Variants in GRIN2A observed in about 807,000 individuals in gnomAD.
GRIN2A encodes glutamate receptor ionotropic, NMDA 2A.
Under a neutral mutation model 113.4 loss-of-function variants are expected in GRIN2A, and 22 were observed. The ratio of observed to expected loss-of-function variants is 0.19; its 90% CI spans 0.14 to 0.28. The LOEUF is 0.28. GRIN2A is among the 10% of genes least tolerant of loss of function. The probability of loss-of-function intolerance (pLI) is 1.00; values close to 1 mark genes in which losing one functional copy is unlikely to be tolerated. For synonymous variants in GRIN2A, 827 were observed against 738.4 expected, an observed-to-expected ratio of 1.12 and a Z score of -1.94; for missense variants, 1,502 against 1,887.0, an observed-to-expected ratio of 0.80 and a Z score of 3.78.
chr16:9,914,578 C>T (rs554328598), intron 3 of GRIN2A, among the ~76,000 whole-genome samples: 5 of 152,282 alleles, frequency 3.3e-5, no homozygotes, highest in African/African-American at 1.2e-4. Context: ...CTATCTTCAA[C>T]GCATACGCAT....
rs568729177 is a variant in GRIN2A, at chr16:10,080,151, A to T, written c.414+99847T>A. Among the ~76,000 whole-genome samples the T allele has an allele frequency of 4.8e-4, 73 of 152,338 alleles. 1 individual carries two copies. In the South Asian group the frequency reaches 0.015, roughly 31 times the overall value. Reference sequence around the variant, plus strand: ...CCCTGCCTGGTTGCCACAACAGCAGAGTATATTCAGGGCTTAGCACTGAGA... The same window carrying T: ...CCCTGCCTGGTTGCCACAACAGCAGTGTATATTCAGGGCTTAGCACTGAGA... On this transcript the variant is annotated intron_variant, in intron 2 of 12. Coordinates refer to ENST00000330684, the MANE Select transcript of GRIN2A (RefSeq NM_001134407.3).
At chr16:9,912,318 G>A (rs1416231268) in intron 3 of GRIN2A, among the ~76,000 whole-genome samples, 3 of 152,108 alleles carry the variant, frequency 2.0e-5, no homozygotes, top group Admixed American at 2.0e-4. Flanking sequence ...TGATGGCAAT[G>A]ATGTGATGTT....
intron 7 of GRIN2A, among the ~76,000 whole-genome samples, 190 bp downstream of exon 7, chr16:9,840,457 C>G (rs2042653627): frequency 6.6e-6 from 1 of 152,048 alleles, no homozygotes; most frequent in Non-Finnish European, 1.5e-5. Context: ...GATTACAATT[C>G]AAGATGAAAT....
chr16:9,926,470 T>A (rs955099182), intron 3 of GRIN2A, among the ~76,000 whole-genome samples: 2 of 152,158 alleles, frequency 1.3e-5, no homozygotes, highest in African/African-American at 4.8e-5. Flanking sequence ...TGTAAGCATA[T>A]AGGATAAGAG....
intron 2 of GRIN2A, among the ~76,000 whole-genome samples, chr16:9,961,135 G>A (rs1011679713): frequency 5.9e-5 from 9 of 152,226 alleles, no homozygotes; most frequent in East Asian, 1.9e-4. Context: ...ACTTATTCAC[G>A]TACTCGTTTA....
At chr16:9,908,897 T>C (rs889112200) in intron 3 of GRIN2A, among the ~76,000 whole-genome samples, 1 of 152,132 alleles carries the variant, frequency 6.6e-6, no homozygotes, top group Admixed American at 6.5e-5. Context: ...TAGGTCAGTT[T>C]CAGAGCTGGC....
At chr16:9,935,086 G>A (rs1165059053) in intron 3 of GRIN2A, among the ~76,000 whole-genome samples, 3 of 152,202 alleles carry the variant, frequency 2.0e-5, no homozygotes, top group East Asian at 3.9e-4. Flanking sequence ...AATCCAGGGT[G>A]GTCACTGGAA....
rs78907857 is a variant in GRIN2A, at chr16:10,088,159, C to A, written c.414+91839G>T. ...CCCTTGAGAAACGCACATTTGGACA[C>A]AATTTTGAAGATAAGTGCAGGTAGT... On this transcript the variant is annotated intron_variant, in intron 2 of 12. Coordinates refer to ENST00000330684, the MANE Select transcript of GRIN2A (RefSeq NM_001134407.3). 4.3e-3 allele frequency among the ~76,000 whole-genome samples: 651 copies of A among 152,254 alleles called. 4 individuals carry two copies. The highest frequency in any genetic ancestry group is 0.015 in the African/African-American group (616 of 41,536).
At chr16:9,916,681 A>G (rs2044257670) in intron 3 of GRIN2A, among the ~76,000 whole-genome samples, 1 of 151,888 alleles carries the variant, frequency 6.6e-6, no homozygotes, top group Non-Finnish European at 1.5e-5. Context: ...TTTTTCCACC[A>G]TCCTCCCTTT....
At chr16:9,930,823 T>A (rs184733325) in intron 3 of GRIN2A, among the ~76,000 whole-genome samples, 7 of 152,218 alleles carry the variant, frequency 4.6e-5, no homozygotes, top group Admixed American at 1.3e-4. Context: ...CCAAGAATTT[T>A]TCCTATGTTA....
At chr16:9,901,365 G>T (rs985995754) in intron 3 of GRIN2A, among the ~76,000 whole-genome samples, 2 of 152,244 alleles carry the variant, frequency 1.3e-5, no homozygotes, top group South Asian at 4.1e-4. Context: ...AGGAAAGGTC[G>T]GGGGTGATAT....
chr16:9,888,046 T>C (rs1018335310), intron 4 of GRIN2A, among the ~76,000 whole-genome samples: 6 of 152,194 alleles, frequency 3.9e-5, no homozygotes, highest in African/African-American at 4.8e-5. Flanking sequence ...ATTCAAGTGA[T>C]TCTTGTGCCT....
At chr16:10,052,947 C>T (rs886496641) in intron 2 of GRIN2A, among the ~76,000 whole-genome samples, 1 of 151,570 alleles carries the variant, frequency 6.6e-6, no homozygotes, top group Non-Finnish European at 1.5e-5. Flanking sequence ...ACTCTGGAGG[C>T]TGAGGCAGGA....
At chr16:9,855,009 T>TGG (rs1363542183) in intron 4 of GRIN2A, among the ~76,000 whole-genome samples, 1 of 151,952 alleles carries the variant, frequency 6.6e-6, no homozygotes, top group African/African-American at 2.4e-5. Context: ...TGTGTGTGTG[T>TGG]GTGTGTGTGT....
At chr16:10,152,634 C>T (rs893437920) in intron 2 of GRIN2A, among the ~76,000 whole-genome samples, 2 of 152,164 alleles carry the variant, frequency 1.3e-5, no homozygotes, top group East Asian at 3.8e-4. Context: ...ATGATAAACC[C>T]ACTCTTCCGC....
intron 3 of GRIN2A, among the ~76,000 whole-genome samples, chr16:9,893,280 T>G (rs747520968): frequency 1.1e-4 from 16 of 152,220 alleles, no homozygotes; most frequent in African/African-American, 3.9e-4. Context: ...AAAAGGGTTA[T>G]GGGTATTTTT....
chr16:9,949,551 G>GATCA (rs913169167), intron 2 of GRIN2A, among the ~76,000 whole-genome samples: 2 of 151,412 alleles, frequency 1.3e-5, no homozygotes, highest in Non-Finnish European at 2.9e-5. Flanking sequence ...TGGTTGGGAG[G>GATCA]ATGAATGAAT....
intron 5 of GRIN2A, among the ~76,000 whole-genome samples, chr16:9,847,387 G>T (rs1005057015): frequency 6.6e-6 from 1 of 151,544 alleles, no homozygotes; most frequent in Non-Finnish European, 1.5e-5. Context: ...CAAGACTCTT[G>T]TCTCTAAAAA....
At chr16:9,801,247 C>T (rs941049606) in intron 10 of GRIN2A, among the ~76,000 whole-genome samples, 7 of 152,180 alleles carry the variant, frequency 4.6e-5, no homozygotes, top group Non-Finnish European at 8.8e-5. Context: ...ATACTTGCAA[C>T]GTCAATACTT....
Sources: gnomAD v4.1 joint callset for allele counts (sites outside exome capture counted in the v4.1 genomes callset) on GRCh38, gnomAD v4.1.1 for gene constraint, MANE v1.5 for transcripts, NCBI Gene and HGNC (gene_info 2026-07-23, HGNC 2026-07-21) for gene names.